The following ADAMTS3 variants were observed in gnomAD, a reference collection of about 807,000 sequenced individuals.
ADAMTS3 encodes ADAM metallopeptidase with thrombospondin type 1 motif 3, also known as A disintegrin and metalloproteinase with thrombospondin motifs 3.
A neutral mutation model predicts 129.0 loss-of-function variants in ADAMTS3; 73 were observed. The observed-to-expected ratio is 0.57, with a 90% confidence interval of 0.47 to 0.69. The LOEUF (loss-of-function observed/expected upper bound fraction) is 0.69, where lower values mean the gene tolerates loss of function less well. ADAMTS3 is among the 30% of genes least tolerant of loss of function. ADAMTS3 has a pLI of 0.00. For missense variants in ADAMTS3, 1,457 were observed against 1,514.5 expected (o/e 0.96, Z 0.63); for synonymous variants, 477 against 510.8 (o/e 0.93, Z 0.89).
At chr4:72,368,797 C>G (rs1428864901) in intron 4 of ADAMTS3, among the ~76,000 whole-genome samples, 1 of 152,094 alleles carries the variant, frequency 6.6e-6, no homozygotes, top group Non-Finnish European at 1.5e-5. Context: ...GATAGGAGGA[C>G]CTAGCATTTA....
chr4:72,318,172 A>C (rs1416212084), intron 10 of ADAMTS3, among the ~76,000 whole-genome samples: 2 of 152,150 alleles, frequency 1.3e-5, no homozygotes, highest in African/African-American at 4.8e-5. Context: ...CCATCAAGCT[A>C]AAGAAAAGCA....
At chr4:72,429,165 C>A (rs1281415896) in intron 3 of ADAMTS3, among the ~76,000 whole-genome samples, 2 of 151,990 alleles carry the variant, frequency 1.3e-5, no homozygotes, top group East Asian at 3.9e-4. Flanking sequence ...TCAAAATGAA[C>A]TTTTGGATGT....
chr4:72,452,133 C>T (rs1718423971), intron 3 of ADAMTS3, among the ~76,000 whole-genome samples: 2 of 151,650 alleles, frequency 1.3e-5, no homozygotes, highest in African/African-American at 2.4e-5. Context: ...TTTGCATGTT[C>T]CTTTCCCTTT....
intron 3 of ADAMTS3, among the ~76,000 whole-genome samples, chr4:72,481,406 C>T (rs1320671264): frequency 1.3e-5 from 2 of 152,068 alleles, no homozygotes; most frequent in East Asian, 1.9e-4. Flanking sequence ...CCAATATGCC[C>T]AACTTACTTC....
chr4:72,314,307 T>C (rs534779682), intron 11 of ADAMTS3, among the ~76,000 whole-genome samples: 1 of 152,342 alleles, frequency 6.6e-6, no homozygotes, highest in African/African-American at 2.4e-5. Flanking sequence ...ACTTTTAAAA[T>C]GTTTCATTAA....
At chr4:72,403,425 A>G (rs574193189) in intron 4 of ADAMTS3, among the ~76,000 whole-genome samples, 1 of 150,282 alleles carries the variant, frequency 6.7e-6, no homozygotes, top group African/African-American at 2.4e-5. Flanking sequence ...AATTCTGTGG[A>G]ATTTGGGATA....
intron 3 of ADAMTS3, among the ~76,000 whole-genome samples, chr4:72,449,164 AT>A (rs1259390163): frequency 3.3e-5 from 5 of 151,474 alleles, no homozygotes; most frequent in African/African-American, 7.3e-5. Flanking sequence ...TTTTCAGACA[AT>A]TTACTTTACT....
At chr4:72,445,363 A>G (rs1243771152) in intron 3 of ADAMTS3, among the ~76,000 whole-genome samples, 1 of 151,760 alleles carries the variant, frequency 6.6e-6, no homozygotes, top group Non-Finnish European at 1.5e-5. Context: ...TCTTCTCCTG[A>G]GTCTAAAGCC....
rs550252788 is a variant in ADAMTS3 at position 72,436,327 on chromosome 4, A to C, written c.505-21356T>G. On this transcript the variant is annotated intron_variant, in intron 3 of 21. Coordinates refer to ENST00000286657, the MANE Select transcript of ADAMTS3 (RefSeq NM_014243.3). ...TGAGATACCATCTCACGCCAGTTAG[A>C]ATGGCAATCATCAAAAAGTCAGGAA... Among the ~76,000 whole-genome samples the C allele has an allele frequency of 1.6e-4, 24 of 152,276 alleles. 1 individual carries two copies. The highest frequency in any genetic ancestry group is 2.9e-4 in the Non-Finnish European group (20 of 68,020).
chr4:72,517,454 T>A (rs1345615497), intron 3 of ADAMTS3, among the ~76,000 whole-genome samples: 2 of 152,202 alleles, frequency 1.3e-5, no homozygotes, highest in African/African-American at 2.4e-5. Flanking sequence ...CGGCTGTGAA[T>A]CCATCTGGTC....
chr4:72,320,478 C>G (rs1719523860), intron 7 of ADAMTS3, among the ~76,000 whole-genome samples: 1 of 152,114 alleles, frequency 6.6e-6, no homozygotes, highest in African/African-American at 2.4e-5. Context: ...CTCCATGCCC[C>G]AAATGCACAA....
chr4:72,548,189 C>A (rs1304933448), intron 3 of ADAMTS3, among the ~76,000 whole-genome samples: 1 of 152,028 alleles, frequency 6.6e-6, no homozygotes, highest in Non-Finnish European at 1.5e-5. Flanking sequence ...GAAATAAAAT[C>A]TTCCAATGTA....
Position 72,291,162 on chromosome 4 carries a change from G to A in ADAMTS3, c.2724-100C>T, listed in dbSNP as rs983218136. ...GACTTTTCTGCTCTCTAAGTGACTT[G>A]CAACCTAGTGGGCACACTGCAGTTC... On this transcript the variant is annotated intron_variant, in intron 19 of 21. Transcript: ENST00000286657. The A allele has an allele frequency of 3.2e-6, 4 of 1,254,760 alleles. No homozygotes were observed. The Admixed American group carries it at 6.2e-5, about 20-fold the overall frequency. The allele number at this position is 1,254,760 out of a possible 1,614,324, so 77.7% of individuals were successfully genotyped here. A position where few individuals can be genotyped will look rare whatever the true frequency, so the allele number is the denominator to read the frequency against.
At chr4:72,557,902 C>T (rs1208728394) in intron 2 of ADAMTS3, among the ~76,000 whole-genome samples, 4 of 151,532 alleles carry the variant, frequency 2.6e-5, no homozygotes, top group African/African-American at 4.9e-5. Context: ...TTTAATATTC[C>T]AATCTCAGTT....
intron 2 of ADAMTS3, among the ~76,000 whole-genome samples, chr4:72,552,100 G>A (rs993173736): frequency 3.9e-5 from 6 of 152,104 alleles, no homozygotes; most frequent in African/African-American, 1.2e-4. Context: ...TATATCCAAC[G>A]TTAATTTACT....
At chr4:72,552,578 T>G (rs1721671771) in intron 2 of ADAMTS3, among the ~76,000 whole-genome samples, 1 of 152,166 alleles carries the variant, frequency 6.6e-6, no homozygotes, top group African/African-American at 2.4e-5. Context: ...ATCCTCAAAA[T>G]AGAGCCAGAA....
intron 4 of ADAMTS3, among the ~76,000 whole-genome samples, chr4:72,343,894 T>C (rs2109836216): frequency 6.6e-6 from 1 of 152,298 alleles, no homozygotes; most frequent in African/African-American, 2.4e-5. Context: ...TAGAGTGAGT[T>C]TTCTTTTTTA....
chr4:72,560,335 C>T (rs1468616950), intron 2 of ADAMTS3, among the ~76,000 whole-genome samples: 6 of 151,778 alleles, frequency 4.0e-5, no homozygotes, highest in South Asian at 4.2e-4. Flanking sequence ...TCAACAAAAG[C>T]GAAAATTGAC....
At chr4:72,498,389 T>C (rs1414428964) in intron 3 of ADAMTS3, among the ~76,000 whole-genome samples, 2 of 151,892 alleles carry the variant, frequency 1.3e-5, no homozygotes, top group African/African-American at 4.8e-5. Context: ...CCATCTTATA[T>C]TGAGAGTAAT....
Sources: allele counts gnomAD v4.1 joint callset (sites outside exome capture counted in the v4.1 genomes callset), GRCh38; gene constraint gnomAD v4.1.1; transcripts MANE v1.5; gene names NCBI Gene and HGNC (gene_info 2026-07-23, HGNC 2026-07-21).